Variants in DDHD2 observed in about 807,000 individuals in gnomAD.
DDHD2 encodes the protein triacylglycerol hydrolase DDHD2.
In DDHD2, 62 loss-of-function variants were observed where a neutral mutation model predicts 91.2. The observed-to-expected ratio is 0.68, with a 90% confidence interval of 0.55 to 0.84. DDHD2 has a LOEUF of 0.84. Ranked by LOEUF, DDHD2 falls within the 40% of genes least tolerant of loss-of-function variation. The pLI, the probability that DDHD2 is intolerant of heterozygous loss-of-function variation, is 0.00. For missense variants in DDHD2, 740 were observed against 846.9 expected (o/e 0.87, Z 1.57); for synonymous variants, 271 against 293.9 (o/e 0.92, Z 0.80).
In DDHD2 at chr8:38,252,677, CTG is replaced by C. The variant is rs747352383; in HGVS notation, c.1618-42_1618-41del. The C allele has an allele frequency of 4.7e-6, 6 of 1,270,258 alleles. No homozygotes were observed. The East Asian group carries it at 1.2e-4, about 25-fold the overall frequency. 78.7% of individuals were successfully genotyped at this position (1,270,258 alleles called of 1,614,324 possible). A position where few individuals can be genotyped will look rare whatever the true frequency, so the allele number is the denominator to read the frequency against. On this transcript the variant is annotated intron_variant, in intron 13 of 17. Coordinates refer to ENST00000397166, the MANE Select transcript of DDHD2 (RefSeq NM_015214.3). The stretch of plus-strand genomic sequence containing the variant: ...AAAAAAAAGTTATATAGTTTCCAGA[CTG>C]TGCTTAGCAGAGGTAAATGTAGCTC...
chr8:38,252,025 G>A lies in DDHD2; in HGVS notation c.1458G>A (p.Gly486=). Residue 486 remains glycine (G), a synonymous_variant, in exon 12 of 18, where the codon GGG becomes GGA. Coordinates refer to ENST00000397166, the MANE Select transcript of DDHD2 (RefSeq NM_015214.3). ...RNGDYLDVGI[G]QVSVKYPRLI... ...GTGACTATCTGGATGTTGGCATTGG[G>A]CAGGTAACTAATTCTCTTTGATCAT... The A allele has an allele frequency of 6.2e-7, 1 of 1,612,738 alleles. No homozygotes were observed.
At chr8:38,255,247 T>C in intron 16 of DDHD2, 2 of 346,858 alleles carry the variant, frequency 5.8e-6, no homozygotes, top group Admixed American at 4.4e-5. Context: ...AATTTTTCCC[T>C]TGAATTCTGA....
chr8:38,266,035 A>T, downstream of DDHD2: 1 of 1,025,334 alleles, frequency 9.8e-7, no homozygotes, highest in African/African-American at 1.6e-5. Flanking sequence ...CATACTCATT[A>T]ATTTGTTCAT....
downstream of DDHD2, chr8:38,267,483 G>T: frequency 1.4e-6 from 2 of 1,450,442 alleles, no homozygotes; most frequent in Non-Finnish European, 1.9e-6. Context: ...GTTAACTATT[G>T]GTCAAATAGT....
At chr8:38,263,266 C>T, downstream of DDHD2, 1 of 425,346 alleles carries the variant, frequency 2.4e-6, no homozygotes, top group Non-Finnish European at 3.1e-6. Context: ...GGCATCCATT[C>T]TGATGACATC....
At chr8:38,235,484 G>A (rs891390049) in intron 3 of DDHD2, among the ~76,000 whole-genome samples, 3 of 152,070 alleles carry the variant, frequency 2.0e-5, no homozygotes, top group African/African-American at 7.2e-5. Context: ...CAGTTTGGGG[G>A]GCTGAGGTGG....
chr8:38,249,770 A>C lies in DDHD2; in HGVS notation c.1311A>C (p.Ile437=). 1 of 1,612,156 alleles carries C rather than the reference A, an allele frequency of 6.2e-7. No individual in the cohort carries two copies. Among genetic ancestry groups the C allele is most frequent in the Non-Finnish European group, 8.5e-7 (1 of 1,178,630 alleles). Residue 437 remains isoleucine (I), a synonymous_variant, in exon 11 of 18, where the codon ATA becomes ATC. Transcript: ENST00000397166. ...IGIPLGPRKK[I]LNYFSTRKNS... ...TTCCTTTAGGACCAAGAAAGAAGATATTAAACTATTTCAGCACCAGAAAAA... is the reference window on the plus strand; with the variant it reads ...TTCCTTTAGGACCAAGAAAGAAGATCTTAAACTATTTCAGCACCAGAAAAA...
rs761900132 is a variant in DDHD2, at chr8:38,242,342, C to G, written c.805C>G (p.Pro269Ala). The G allele has an allele frequency of 1.2e-6, 2 of 1,610,968 alleles. No individual in the cohort carries two copies. Among genetic ancestry groups the G allele is most frequent in the Non-Finnish European group, 1.7e-6 (2 of 1,179,054 alleles). The change falls in exon 7 of 18, where the codon CCA becomes GCA. Residue 269 changes from proline to alanine, a missense_variant. Pro to Ala is a conservative substitution (Grantham distance 27). Around this residue, in one of 2 missense-constraint regions of DDHD2, gnomAD observed 693 missense variants for 764.2 expected, o/e 0.91. Transcript: ENST00000397166. ...GCAGATTGGGAGGGTAGAATTTCTT[C>G]CAGTCAACTGGCACAGTCCTTTGCA... ...NQQIGRVEFLPVNWHSPLHST... is the reference protein window; with the variant it reads ...NQQIGRVEFLAVNWHSPLHST...
chr8:38,269,216 A>T (rs755961515), intron 1 of DDHD2: 5 of 1,494,236 alleles, frequency 3.3e-6, no homozygotes, highest in Non-Finnish European at 4.4e-6. Flanking sequence ...GCGAGCTCCG[A>T]GCGACGCTGC....
chr8:38,269,214 C>A, intron 1 of DDHD2: 4 of 1,494,758 alleles, frequency 2.7e-6, no homozygotes, highest in South Asian at 1.3e-5. Context: ...CCGCGAGCTC[C>A]GAGCGACGCT....
intron 16 of DDHD2, among the ~76,000 whole-genome samples, chr8:38,258,944 T>A (rs1806747397): frequency 6.6e-6 from 1 of 152,200 alleles, no homozygotes; most frequent in Admixed American, 6.5e-5. Flanking sequence ...AAGTAATTGC[T>A]TGTGCATACG....
Position 38,260,104 on chromosome 8 carries a change from G to A in DDHD2, c.2119G>A (p.Asp707Asn). The change falls in exon 17 of 18, where the codon GAT becomes AAT. Residue 707 changes from aspartate to asparagine, a missense_variant. By Grantham distance (23) the Asp-to-Asn change is conservative. Coordinates refer to ENST00000397166, the MANE Select transcript of DDHD2 (RefSeq NM_015214.3). Reference protein sequence around the residue: ...EIYQTQGIFLDQPLQ With the variant: ...EIYQTQGIFLNQPLQ Reference sequence around the variant, plus strand: ...CTACCAAACCCAGGGTATCTTCCTTGATCAGCCTTTACAGTAAAAATGACC... The same window carrying A: ...CTACCAAACCCAGGGTATCTTCCTTAATCAGCCTTTACAGTAAAAATGACC... The A allele has an allele frequency of 1.2e-6, 2 of 1,612,934 alleles. No individual in the cohort carries two copies. The highest frequency in any genetic ancestry group is 1.7e-6 in the Non-Finnish European group (2 of 1,179,036).
intron 10 of DDHD2, 32 bp downstream of exon 10, chr8:38,247,867 G>C (rs1240850087): frequency 5.3e-6 from 8 of 1,515,546 alleles, no homozygotes; most frequent in Non-Finnish European, 7.1e-6. Flanking sequence ...TTTATGCCAA[G>C]CCATTTTCAG....
At chr8:38,244,983 T>A (rs989683642) in intron 7 of DDHD2, among the ~76,000 whole-genome samples, 1 of 151,440 alleles carries the variant, frequency 6.6e-6, no homozygotes, top group Admixed American at 6.6e-5. Flanking sequence ...GTCTATTATA[T>A]TTTTATACAT....
chr8:38,246,595 AC>A (rs1805653404), intron 9 of DDHD2, among the ~76,000 whole-genome samples: 1 of 152,212 alleles, frequency 6.6e-6, no homozygotes, highest in African/African-American at 2.4e-5. Flanking sequence ...TAATCTCAGC[AC>A]TTTGAGAGGC....
At chr8:38,237,257 TC>T (rs1354972919) in intron 3 of DDHD2, among the ~76,000 whole-genome samples, 1 of 151,936 alleles carries the variant, frequency 6.6e-6, no homozygotes, top group African/African-American at 2.4e-5. Flanking sequence ...GTGCCTGTAA[TC>T]CCAGCTACTT....
At chr8:38,253,782 T>C in intron 16 of DDHD2, 64 bp downstream of exon 16, 2 of 1,534,804 alleles carry the variant, frequency 1.3e-6, no homozygotes, top group Non-Finnish European at 1.8e-6. Context: ...TTGATAGATG[T>C]AGAAAAAGGA....
rs1034886194 is a variant in DDHD2 at position 38,259,907 on chromosome 8, C to T, written c.2055-133C>T. 3.3e-5 allele frequency: 21 copies of T among 631,324 alleles called. No homozygotes were observed. The African/African-American group carries it at 3.7e-4, about 11-fold the overall frequency. The allele number at this position is 631,324 out of a possible 1,614,324, so 39.1% of individuals were successfully genotyped here. On this transcript the variant is annotated intron_variant, in intron 16 of 17. Coordinates refer to ENST00000397166, the MANE Select transcript of DDHD2 (RefSeq NM_015214.3). ...CAAACCACTGCCAATTACATTACTT[C>T]TGAATCTCATTTCTTTGCAGAAGTA...
At chr8:38,269,262 G>C in intron 1 of DDHD2, 2 of 1,363,966 alleles carry the variant, frequency 1.5e-6, no homozygotes, top group Non-Finnish European at 1.9e-6. Flanking sequence ...GGGCCGGGCC[G>C]GGAACTGGGC....
Sources: gnomAD v4.1 joint callset for allele counts (sites outside exome capture counted in the v4.1 genomes callset) on GRCh38, gnomAD v4.1.1 for gene constraint, gnomAD v4.1.1 regional missense constraint, MANE v1.5 for transcripts, NCBI Gene and HGNC (gene_info 2026-07-23, HGNC 2026-07-21) for gene names.